COL4A6: variants seen among roughly 807,000 people sequenced by gnomAD.
COL4A6 encodes collagen alpha-6(IV) chain.
In COL4A6, 59 loss-of-function variants were observed where a neutral mutation model predicts 126.7. The ratio of observed to expected loss-of-function variants is 0.47; its 90% CI spans 0.38 to 0.58. The LOEUF (loss-of-function observed/expected upper bound fraction) is 0.58. COL4A6 is among the 20% of genes least tolerant of loss of function. The pLI, the probability that COL4A6 is intolerant of heterozygous loss-of-function variation, is 0.00. For synonymous variants in COL4A6, 547 were observed against 496.6 expected (o/e 1.10, Z -1.35); for missense variants, 1,285 against 1,337.3 (o/e 0.96, Z 0.61).
rs140575962 is a variant in COL4A6, at chrX:108,378,031, C to T, written c.63+59911G>A. Reference sequence around the variant, plus strand: ...AACAATATTCAGAAATTAAAGTAGGCAGTCCATTTGTGTAGGTGGTAGGTA... The same window carrying T: ...AACAATATTCAGAAATTAAAGTAGGTAGTCCATTTGTGTAGGTGGTAGGTA... On this transcript the variant is annotated intron_variant, in intron 2 of 44. Transcript: ENST00000334504. Among the ~76,000 whole-genome samples the T allele has an allele frequency of 5.3e-3, 559 of 104,500 alleles. 3 individuals carry two copies. Among genetic ancestry groups the T allele is most frequent in the African/African-American group, 0.018 (514 of 28,238 alleles). 90.7% of individuals were successfully genotyped at this position (104,500 alleles called of 115,157 possible). A position where few individuals can be genotyped will look rare whatever the true frequency, so the allele number is the denominator to read the frequency against.
At chrX:108,328,068 A>T (rs755576751) in intron 2 of COL4A6, among the ~76,000 whole-genome samples, 18 of 112,070 alleles carry the variant, frequency 1.6e-4, no homozygotes, top group Admixed American at 2.8e-4. Flanking sequence ...GGATAGTGGA[A>T]TCAAGCATTC....
chrX:108,366,441 C>G (rs2040199405), intron 2 of COL4A6, among the ~76,000 whole-genome samples: 1 of 112,158 alleles, frequency 8.9e-6, no homozygotes, highest in African/African-American at 3.2e-5. Context: ...TTATTCCAAT[C>G]TTCTCTTTAA....
At position 108,159,446 on chromosome X, in the gene COL4A6, C is replaced by G. The variant is rs1569320001; in HGVS notation, c.4812+16G>C. On this transcript the variant is annotated intron_variant, in intron 44 of 44. Transcript: ENST00000334504. Reference sequence around the variant, plus strand: ...CTTTGCCTCCAACTGGGGGAGGAGACAGTGCAGGACCTTACCATGAGGAAA... The same window carrying G: ...CTTTGCCTCCAACTGGGGGAGGAGAGAGTGCAGGACCTTACCATGAGGAAA... 2.5e-6 allele frequency: 3 copies of G among 1,210,609 alleles called. No homozygotes were observed. The East Asian group carries it at 8.9e-5, about 36-fold the overall frequency.
At chrX:108,369,690 T>C (rs1156989511) in intron 2 of COL4A6, among the ~76,000 whole-genome samples, 1 of 112,265 alleles carries the variant, frequency 8.9e-6, no homozygotes, top group Non-Finnish European at 1.9e-5. Context: ...TCTGACACAT[T>C]AAGTCTTTAG....
At chrX:108,368,416 G>A (rs2040253038) in intron 2 of COL4A6, among the ~76,000 whole-genome samples, 1 of 110,972 alleles carries the variant, frequency 9.0e-6, no homozygotes, top group Non-Finnish European at 1.9e-5. Flanking sequence ...AGTTGTTCTG[G>A]GTGAGTGGGT....
intron 31 of COL4A6, among the ~76,000 whole-genome samples, chrX:108,173,830 A>G (rs916540624): frequency 2.7e-5 from 3 of 112,557 alleles, no homozygotes; most frequent in Non-Finnish European, 5.6e-5. Context: ...GGTTGGTCTC[A>G]TTGCTAAGCC....
chrX:108,318,337 C>A (rs1331563071), intron 2 of COL4A6, among the ~76,000 whole-genome samples: 1 of 111,581 alleles, frequency 9.0e-6, no homozygotes, highest in Non-Finnish European at 1.9e-5. Context: ...CCTCTCTCAC[C>A]ACTCCTATTC....
Position 108,438,359 on chromosome X carries a change from A to C in COL4A6, c.-163T>G, listed in dbSNP as rs1233214564. On this transcript the variant is annotated 5_prime_UTR_variant, in exon 1 of 45. Transcript: ENST00000334504. ...AAGAAACTAAACACTGCTTCTAGAT[A>C]AGAAGTGCTCCAAAGGGAAACAGGC... The C allele has an allele frequency of 9.3e-7, 1 of 1,071,666 alleles. No individual in the cohort carries two copies. Among genetic ancestry groups the C allele is most frequent in the Admixed American group, 4.2e-5 (1 of 23,688 alleles). 88.3% of individuals were successfully genotyped at this position (1,071,666 alleles called of 1,213,427 possible). A position where few individuals can be genotyped will look rare whatever the true frequency, so the allele number is the denominator to read the frequency against.
Position 108,188,682 on chromosome X carries a change from G to C in COL4A6, c.1427-5C>G, listed in dbSNP as rs1351715668. On this transcript the variant is annotated splice_region_variant and splice_polypyrimidine_tract_variant and intron_variant, in intron 20 of 44. Coordinates refer to ENST00000334504, the MANE Select transcript of COL4A6 (RefSeq NM_033641.4). ...AAGCACAGAAACCTGAGTCTCCTGG[G>C]AGAAAAAGACAACATAGAACGAAGT... is the stretch of plus-strand genomic sequence containing the variant. The C allele has an allele frequency of 8.8e-7, 1 of 1,140,071 alleles. No homozygotes were observed. The highest frequency in any genetic ancestry group is 3.0e-5 in the Admixed American group (1 of 33,613). 94.0% of individuals were successfully genotyped at this position (1,140,071 alleles called of 1,213,427 possible).
At chrX:108,173,885 G>C (rs2034392430) in intron 31 of COL4A6, among the ~76,000 whole-genome samples, 2 of 112,639 alleles carry the variant, frequency 1.8e-5, no homozygotes, top group South Asian at 7.3e-4. Context: ...AGCTGGACTT[G>C]ATTCTTTGCT....
chrX:108,226,344 T>C lies in COL4A6; in HGVS notation c.145-4970A>G, dbSNP rs192906771. Reference sequence around the variant, plus strand: ...TTCAGTTGGAGATGCACAGACATCATTGAGCGACCCTCTTTGGGGGCAGAG... The same window carrying C: ...TTCAGTTGGAGATGCACAGACATCACTGAGCGACCCTCTTTGGGGGCAGAG... On this transcript the variant is annotated intron_variant, in intron 3 of 44. Transcript: ENST00000334504. 1.1e-3 allele frequency among the ~76,000 whole-genome samples: 120 copies of C among 112,024 alleles called. 5 individuals are homozygous for C. In the East Asian group the frequency reaches 0.033, roughly 31 times the overall value.
At chrX:108,213,545 C>T (rs2035771640) in intron 6 of COL4A6, among the ~76,000 whole-genome samples, 1 of 112,256 alleles carries the variant, frequency 8.9e-6, no homozygotes, top group Non-Finnish European at 1.9e-5. Flanking sequence ...TTCTCAACCT[C>T]AGCATTATTG....
At chrX:108,159,839 A>C in intron 43 of COL4A6, 91 bp from the exon 44 acceptor site, 1 of 979,932 alleles carries the variant, frequency 1.0e-6, no homozygotes, top group Non-Finnish European at 1.5e-6. Flanking sequence ...AACCACTTGC[A>C]CCAGACTGAG....
intron 2 of COL4A6, among the ~76,000 whole-genome samples, chrX:108,346,265 A>T (rs2039703912): frequency 9.0e-6 from 1 of 111,596 alleles, no homozygotes; most frequent in East Asian, 2.8e-4. Context: ...TCTTTACAAC[A>T]TCACCATAGA....
chrX:108,261,745 T>C (rs890618505), intron 3 of COL4A6, among the ~76,000 whole-genome samples: 4 of 111,626 alleles, frequency 3.6e-5, no homozygotes, highest in East Asian at 5.7e-4. Context: ...TATGTAATTA[T>C]GCAAGTAAAT....
rs756194736 is a variant in COL4A6, at chrX:108,227,753, G to C, written c.145-6379C>G. Among the ~76,000 whole-genome samples, 11 of 111,873 alleles carry C rather than the reference G, an allele frequency of 9.8e-5. No individual in the cohort carries two copies. The East Asian group carries it at 3.1e-3, about 32-fold the overall frequency. On this transcript the variant is annotated intron_variant, in intron 3 of 44. Coordinates refer to ENST00000334504, the MANE Select transcript of COL4A6 (RefSeq NM_033641.4). ...GTAAATGTTTCTTCTCAGACGTAAAGAGTCTGTTCTATCAGTAACTCCAAA... is the reference window on the plus strand; with the variant it reads ...GTAAATGTTTCTTCTCAGACGTAAACAGTCTGTTCTATCAGTAACTCCAAA...
At position 108,196,583 on chromosome X, in the gene COL4A6, A is replaced by ACC. The variant is rs781377276; in HGVS notation, c.835-5_835-4insGG. The ACC allele has an allele frequency of 1.7e-6, 2 of 1,186,363 alleles. No homozygotes were observed. The highest frequency in any genetic ancestry group is 3.5e-5 in the African/African-American group (2 of 56,405). ...TTTCTCCAGTAGTTCCAAGGCCCTA[A>ACC]ATGAAAAAAGAAACCACAAGTTATA... On this transcript the variant is annotated splice_polypyrimidine_tract_variant and splice_region_variant and intron_variant, in intron 13 of 44. Transcript: ENST00000334504.
intron 3 of COL4A6, among the ~76,000 whole-genome samples, chrX:108,293,764 ATGT>A (rs2038240228): frequency 9.0e-6 from 1 of 111,630 alleles, no homozygotes; most frequent in Non-Finnish European, 1.9e-5. Flanking sequence ...AAAGAGGAAA[ATGT>A]TGTGACTGCC....
At chrX:108,252,112 A>T (rs1402678437) in intron 3 of COL4A6, among the ~76,000 whole-genome samples, 6 of 111,031 alleles carry the variant, frequency 5.4e-5, no homozygotes, top group Non-Finnish European at 7.6e-5. Flanking sequence ...ATACCCATTG[A>T]CCAACCAATG....
Sources: allele counts gnomAD v4.1 joint callset (sites outside exome capture counted in the v4.1 genomes callset), GRCh38; gene constraint gnomAD v4.1.1; transcripts MANE v1.5; gene names NCBI Gene and HGNC (gene_info 2026-07-23, HGNC 2026-07-21).